RTN1: variants seen among roughly 807,000 people sequenced by gnomAD.
RTN1 encodes the protein reticulon-1.
Under a neutral mutation model 65.5 loss-of-function variants are expected in RTN1, and 25 were observed. That is an observed-to-expected ratio of 0.38 (90% CI 0.28 to 0.53). RTN1 has a LOEUF of 0.53. Ranked by LOEUF, RTN1 falls within the 20% of genes least tolerant of loss-of-function variation. The pLI is 0.79. For missense variants in RTN1, 983 were observed against 1,025.4 expected, an observed-to-expected ratio of 0.96 and a Z score of 0.57; for synonymous variants, 471 against 447.6, an observed-to-expected ratio of 1.05 and a Z score of -0.66.
intron 3 of RTN1, among the ~76,000 whole-genome samples, chr14:59,678,259 T>C (rs901355674): frequency 6.6e-6 from 1 of 152,142 alleles, no homozygotes; most frequent in East Asian, 1.9e-4. Flanking sequence ...AAGTTTTATT[T>C]AAGGGTTGAA....
At chr14:59,665,767 GC>G (rs1883356647) in intron 3 of RTN1, among the ~76,000 whole-genome samples, 1 of 151,418 alleles carries the variant, frequency 6.6e-6, no homozygotes, top group Non-Finnish European at 1.5e-5. Flanking sequence ...CAAATGGAAA[GC>G]AAAAAAAAGC....
intron 3 of RTN1, among the ~76,000 whole-genome samples, chr14:59,689,765 T>C (rs1030627790): frequency 1.3e-5 from 2 of 152,120 alleles, no homozygotes; most frequent in Non-Finnish European, 2.9e-5. Flanking sequence ...ACTAAGGGAA[T>C]TCACTACTAT....
intron 1 of RTN1, among the ~76,000 whole-genome samples, chr14:59,869,694 T>C (rs1156263840): frequency 6.6e-6 from 1 of 150,814 alleles, no homozygotes; most frequent in African/African-American, 2.4e-5. Context: ...GTTTCAATGC[T>C]CCCTGCAAGG....
At chr14:59,628,904 T>C (rs1882471711) in intron 3 of RTN1, among the ~76,000 whole-genome samples, 3 of 152,238 alleles carry the variant, frequency 2.0e-5, no homozygotes, top group African/African-American at 4.8e-5. Context: ...ATATCTACTT[T>C]TGTTAAAAAT....
At chr14:59,644,687 T>A (rs1203405348) in intron 3 of RTN1, among the ~76,000 whole-genome samples, 1 of 152,174 alleles carries the variant, frequency 6.6e-6, no homozygotes, top group East Asian at 1.9e-4. Flanking sequence ...GGTTTGGAAG[T>A]CTAGCTAGCC....
intron 3 of RTN1, among the ~76,000 whole-genome samples, chr14:59,681,998 G>A (rs1397937460): frequency 6.6e-6 from 1 of 152,042 alleles, no homozygotes; most frequent in Non-Finnish European, 1.5e-5. Context: ...CCTTCTCATG[G>A]AGAAATCTTT....
intron 1 of RTN1, among the ~76,000 whole-genome samples, chr14:59,786,484 A>G (rs1453770297): frequency 6.6e-6 from 1 of 152,200 alleles, no homozygotes; most frequent in East Asian, 1.9e-4. Flanking sequence ...GCAACAATGC[A>G]TGGCTCATGG....
chr14:59,599,681 T>A (rs1361444124), intron 8 of RTN1, among the ~76,000 whole-genome samples: 5 of 152,200 alleles, frequency 3.3e-5, no homozygotes, highest in Admixed American at 2.0e-4. Flanking sequence ...GTCCATCTCA[T>A]CTCAGGGTTT....
chr14:59,708,058 T>C (rs1264181295), intron 3 of RTN1, among the ~76,000 whole-genome samples: 1 of 152,242 alleles, frequency 6.6e-6, no homozygotes, highest in Non-Finnish European at 1.5e-5. Context: ...GGAGCCAGTC[T>C]ATTTAAAAAC....
chr14:59,626,969 G>A (rs1465135664), intron 3 of RTN1, among the ~76,000 whole-genome samples: 1 of 152,192 alleles, frequency 6.6e-6, no homozygotes. Flanking sequence ...CTCAGATGAG[G>A]TAGATGAGAG....
rs73302071 is a variant in RTN1, at chr14:59,825,434, A to C, written c.241+44956T>G. Reference sequence around the variant, plus strand: ...CACAGGAAAATGCTCTGATTCAGGGAAAGTTGCTATAAAATAGTTTTAAAA... The same window carrying C: ...CACAGGAAAATGCTCTGATTCAGGGCAAGTTGCTATAAAATAGTTTTAAAA... On this transcript the variant is annotated intron_variant, in intron 1 of 8. Coordinates refer to ENST00000267484, the MANE Select transcript of RTN1 (RefSeq NM_021136.3). This position sits in a 1 kb window ranked among gnomAD's most constrained non-coding sequence, Gnocchi z 4.2. Among the ~76,000 whole-genome samples the C allele has an allele frequency of 0.02, 2,994 of 152,332 alleles. 104 individuals carry two copies. Among genetic ancestry groups the C allele is most frequent in the African/African-American group, 0.067 (2,801 of 41,584 alleles).
chr14:59,603,391 TCCC>T, intron 6 of RTN1, 133 bp from the exon 7 acceptor site: 1 of 680,064 alleles, frequency 1.5e-6, no homozygotes. Context: ...TATTTTTTAT[TCCC>T]TATTTTGAGA....
At chr14:59,717,653 A>C (rs1198240919) in intron 3 of RTN1, among the ~76,000 whole-genome samples, 1 of 152,208 alleles carries the variant, frequency 6.6e-6, no homozygotes, top group African/African-American at 2.4e-5. Context: ...ATGAGCTGGC[A>C]AGACCAGGCT....
At chr14:59,775,713 C>T (rs1886038499) in intron 1 of RTN1, among the ~76,000 whole-genome samples, 1 of 152,158 alleles carries the variant, frequency 6.6e-6, no homozygotes, top group Non-Finnish European at 1.5e-5. Context: ...AAATAAAATA[C>T]TCTGCACTCT....
chr14:59,655,904 A>C (rs1256456981), intron 3 of RTN1, among the ~76,000 whole-genome samples: 1 of 152,236 alleles, frequency 6.6e-6, no homozygotes, highest in East Asian at 1.9e-4. Context: ...ACAAAGGCAT[A>C]ATCTTCAAGA....
chr14:59,840,210 G>A (rs1320153089), intron 1 of RTN1, among the ~76,000 whole-genome samples: 1 of 152,096 alleles, frequency 6.6e-6, no homozygotes, highest in East Asian at 1.9e-4. Flanking sequence ...GACTTTTATT[G>A]ATAGTGAAGT....
chr14:59,653,675 A>C, intron 3 of RTN1, among the ~76,000 whole-genome samples: 1 of 152,048 alleles, frequency 6.6e-6, no homozygotes, highest in East Asian at 1.9e-4. Flanking sequence ...ACATATATAG[A>C]TAGCAATCTA....
At chr14:59,852,733 A>G (rs976843001) in intron 1 of RTN1, among the ~76,000 whole-genome samples, 1 of 152,212 alleles carries the variant, frequency 6.6e-6, no homozygotes, top group Non-Finnish European at 1.5e-5. Context: ...TCCATAGCCA[A>G]TCTGGAAAGA....
At chr14:59,732,389 A>G (rs1884917275) in intron 2 of RTN1, among the ~76,000 whole-genome samples, 1 of 152,214 alleles carries the variant, frequency 6.6e-6, no homozygotes, top group Non-Finnish European at 1.5e-5. Context: ...AAATGAATAC[A>G]GTACCTTCAA....
Sources: allele counts gnomAD v4.1 joint callset (sites outside exome capture counted in the v4.1 genomes callset), GRCh38; gene constraint gnomAD v4.1.1; non-coding constraint Gnocchi (gnomAD v3.1); transcripts MANE v1.5; gene names NCBI Gene and HGNC (gene_info 2026-07-23, HGNC 2026-07-21).